The following RDH13 variants were observed in gnomAD, a reference collection of about 807,000 sequenced individuals.
The protein encoded by RDH13 is retinol dehydrogenase 13 (all-trans and 9-cis).
RDH13 carries 35 observed loss-of-function variants against 28.3 expected under a neutral mutation model. The ratio of observed to expected loss-of-function variants is 1.24; its 90% confidence interval spans 0.95 to 1.64. The LOEUF (loss-of-function observed/expected upper bound fraction) is 1.64. RDH13 is among the 40% of genes most tolerant of loss of function. RDH13 has a pLI of 0.00. For synonymous variants in RDH13, 229 were observed against 198.5 expected (o/e 1.15, Z -1.29); for missense variants, 514 against 446.3 (o/e 1.15, Z -1.37).
At chr19:55,051,092 C>G (rs1182037136) in intron 3 of RDH13, 1 of 152,094 alleles carries the variant, frequency 6.6e-6, no homozygotes, top group Non-Finnish European at 1.5e-5. Flanking sequence ...TTTCTAAGCA[C>G]CTATTACTGG....
upstream of RDH13, chr19:55,063,372 C>T (rs2075874498): frequency 9.6e-6 from 3 of 313,830 alleles, no homozygotes; most frequent in Admixed American, 5.0e-5. Flanking sequence ...CTACGCAGTT[C>T]TGGAGTGAAA....
Position 55,063,107 on chromosome 19 carries a change from C to G in RDH13, c.-75G>C, listed in dbSNP as rs1331965956. 3.3e-6 allele frequency: 4 copies of G among 1,211,248 alleles called. No homozygotes were observed. The highest frequency in any genetic ancestry group is 2.6e-4 in the Middle Eastern group (1 of 3,774). The allele number at this position is 1,211,248 out of a possible 1,614,324, so 75.0% of individuals were successfully genotyped here. A position where few individuals can be genotyped will look rare whatever the true frequency, so the allele number is the denominator to read the frequency against. On this transcript the variant is annotated 5_prime_UTR_variant, in exon 1 of 7. Coordinates refer to ENST00000415061, the MANE Select transcript of RDH13 (RefSeq NM_001145971.2). ...TGCACACCAGCCGCCTGGGTAGCTCCGAGGAAGAGCGCGCGACGCAGCCAC... is the reference window on the plus strand; with the variant it reads ...TGCACACCAGCCGCCTGGGTAGCTCGGAGGAAGAGCGCGCGACGCAGCCAC...
chr19:55,062,134 C>T (rs1328909453), intron 1 of RDH13, among the ~76,000 whole-genome samples: 3 of 151,010 alleles, frequency 2.0e-5, no homozygotes, highest in Non-Finnish European at 1.5e-5. Context: ...AAAAAAGATG[C>T]TTCACTTAAC....
At chr19:55,040,176 T>C (rs539786602), downstream of RDH13, 1 of 152,390 alleles carries the variant, frequency 6.6e-6, no homozygotes, top group African/African-American at 2.4e-5. Context: ...TTTGGTTTTT[T>C]GAGACGGAGT....
chr19:55,052,809 C>T (rs988044010), intron 3 of RDH13, among the ~76,000 whole-genome samples: 5 of 151,956 alleles, frequency 3.3e-5, no homozygotes, highest in East Asian at 2.0e-4. Flanking sequence ...TACAGGTGCC[C>T]GCCACCACGC....
At chr19:55,047,284 T>C in intron 6 of RDH13, 103 bp downstream of exon 6, 2 of 1,503,466 alleles carry the variant, frequency 1.3e-6, no homozygotes, top group African/African-American at 1.4e-5. Context: ...GGAGCAGGCA[T>C]GAGGCCTCAG....
chr19:55,053,649 C>A (rs2075533690), intron 3 of RDH13: 1 of 146,852 alleles, frequency 6.8e-6, no homozygotes, highest in Admixed American at 6.9e-5. Context: ...AAGCAAGATA[C>A]CGTCTCAGAA....
Position 55,063,099 on chromosome 19 carries a change from G to C in RDH13, c.-67C>G. 3.2e-6 allele frequency: 4 copies of C among 1,245,074 alleles called. No individual in the cohort carries two copies. The highest frequency in any genetic ancestry group is 2.0e-6 in the Non-Finnish European group (2 of 977,516). 77.1% of individuals were successfully genotyped at this position (1,245,074 alleles called of 1,614,324 possible). ...GAGCTTGCTGCACACCAGCCGCCTGGGTAGCTCCGAGGAAGAGCGCGCGAC... is the reference window on the plus strand; with the variant it reads ...GAGCTTGCTGCACACCAGCCGCCTGCGTAGCTCCGAGGAAGAGCGCGCGAC... On this transcript the variant is annotated 5_prime_UTR_variant, in exon 1 of 7. Transcript: ENST00000415061.
At position 55,052,824 on chromosome 19, in the gene RDH13, C is replaced by G. The variant is rs1319485937; in HGVS notation, c.340+3829G>C. On this transcript the variant is annotated intron_variant, in intron 3 of 6. Transcript: ENST00000415061. ...TACAGGTGCCCGCCACCACGCCCGG[C>G]TAATTTTTTTGTGTTTCTTAGTAGA... 2.0e-5 allele frequency among the ~76,000 whole-genome samples: 3 copies of G among 151,984 alleles called. No homozygotes were observed. The East Asian group carries it at 5.9e-4, about 30-fold the overall frequency.
At chr19:55,045,362 G>T (rs1373350241) in intron 6 of RDH13, 53 bp from the exon 7 acceptor site, 1 of 1,431,942 alleles carries the variant, frequency 7.0e-7, no homozygotes, top group East Asian at 2.3e-5. Flanking sequence ...GAGAAGGAAG[G>T]AAGCCCCGCT....
chr19:55,059,066 G>T, intron 2 of RDH13, 91 bp downstream of exon 2: 1 of 800,338 alleles, frequency 1.2e-6, no homozygotes, highest in Non-Finnish European at 2.1e-6. Context: ...ATGGGTGCCT[G>T]GGTTCCTTCC....
intron 1 of RDH13, among the ~76,000 whole-genome samples, chr19:55,059,586 T>TGGGGGGGGG (rs202150997): frequency 7.4e-4 from 58 of 78,592 alleles, no homozygotes; most frequent in Middle Eastern, 6.8e-3. Flanking sequence ...GTTTTGGGGG[T>TGGGGGGGGG]GGGGGGGGGC....
chr19:55,047,068 A>G (rs1043880719), intron 6 of RDH13: 4 of 1,184,128 alleles, frequency 3.4e-6, no homozygotes, highest in Non-Finnish European at 4.3e-6. Context: ...GCTCTTCCCC[A>G]GGAGGTGCAG....
intron 1 of RDH13, among the ~76,000 whole-genome samples, chr19:55,061,875 T>C (rs902785414): frequency 2.0e-5 from 3 of 152,016 alleles, no homozygotes; most frequent in African/African-American, 4.8e-5. Flanking sequence ...CCCAGCACTT[T>C]GGGAGGCCAA....
chr19:55,066,746 C>G (rs145374009), upstream of RDH13, among the ~76,000 whole-genome samples: 138 of 151,402 alleles, frequency 9.1e-4, no homozygotes, highest in Non-Finnish European at 1.8e-3. Flanking sequence ...TCTGTTCTCT[C>G]TCTCCCTCTC....
intron 6 of RDH13, chr19:55,046,394 C>G (rs1330856404): frequency 2.0e-5 from 3 of 151,308 alleles, no homozygotes; most frequent in Non-Finnish European, 4.4e-5. Flanking sequence ...TCCTGAGTAG[C>G]TGGGACTACA....
At position 55,047,073 on chromosome 19, in the gene RDH13, G is replaced by A. The variant is rs902641739; in HGVS notation, c.760+314C>T. ...AGGGGTAACAGCTCTTCCCCAGGAG[G>A]TGCAGCTGGTTTGGGGTGAAGCTGG... is the stretch of plus-strand genomic sequence containing the variant. On this transcript the variant is annotated intron_variant, in intron 6 of 6. Transcript: ENST00000415061. The A allele has an allele frequency of 1.2e-5, 15 of 1,209,610 alleles. No individual in the cohort carries two copies. In the African/African-American group the frequency reaches 2.3e-4, roughly 19 times the overall value. The allele number at this position is 1,209,610 out of a possible 1,614,324, so 74.9% of individuals were successfully genotyped here.
At chr19:55,056,849 A>G (rs757811664) in intron 2 of RDH13, 41 bp from the exon 3 acceptor site, 1 of 1,515,652 alleles carries the variant, frequency 6.6e-7, no homozygotes, top group Admixed American at 1.9e-5. Flanking sequence ...TTAATAATCC[A>G]CTCCTGGGTA....
At chr19:55,060,943 G>C (rs2075790981) in intron 1 of RDH13, among the ~76,000 whole-genome samples, 1 of 152,160 alleles carries the variant, frequency 6.6e-6, no homozygotes, top group African/African-American at 2.4e-5. Flanking sequence ...CAGTTCGGCA[G>C]GTCAAGAGTC....
Sources: allele counts gnomAD v4.1 joint callset (sites outside exome capture counted in the v4.1 genomes callset), GRCh38; gene constraint gnomAD v4.1.1; transcripts MANE v1.5; gene names NCBI Gene and HGNC (gene_info 2026-07-23, HGNC 2026-07-21).